The following PTPRT variants were observed in gnomAD, a reference collection of about 807,000 sequenced individuals.
The protein encoded by PTPRT is protein tyrosine phosphatase receptor type T, also known as receptor-type tyrosine-protein phosphatase T.
Under a neutral mutation model 176.8 loss-of-function variants are expected in PTPRT, and 56 were observed. That is an observed-to-expected ratio of 0.32 (90% CI 0.26 to 0.40). The LOEUF (loss-of-function observed/expected upper bound fraction) is 0.40, where lower values mean the gene tolerates loss of function less well. Among genes scored for constraint, PTPRT ranks in the 10% least tolerant of loss-of-function variants. PTPRT has a pLI of 1.00. For missense variants in PTPRT, 1,540 were observed against 1,908.2 expected, an observed-to-expected ratio of 0.81 and a Z score of 3.60; for synonymous variants, 783 against 739.0, an observed-to-expected ratio of 1.06 and a Z score of -0.96.
chr20:42,084,806 T>A lies in PTPRT; in HGVS notation c.4012A>T (p.Ile1338Phe). ...GYRIVQHLQY[I>F]GWPAYRDTPP... ...GTGTCCCGGTAGGCAGGCCAGCCAA[T>A]GTACTGGAGGTGCTGGACTATACGA... The change falls in exon 29 of 31, where the codon ATT (isoleucine) becomes TTT (phenylalanine). Residue 1338 changes from isoleucine (I) to phenylalanine (F), a missense_variant. Transcript: ENST00000373187. 6.5e-7 allele frequency: 1 copy of A among 1,544,288 alleles called. No homozygotes were observed. Among genetic ancestry groups the A allele is most frequent in the Non-Finnish European group, 8.8e-7 (1 of 1,140,270 alleles).
chr20:42,438,864 GT>G (rs550740916), intron 9 of PTPRT, among the ~76,000 whole-genome samples: 225 of 152,218 alleles, frequency 1.5e-3, no homozygotes, highest in African/African-American at 4.9e-3. Context: ...TACCTGTGTC[GT>G]AATAGAAAAG....
intron 16 of PTPRT, among the ~76,000 whole-genome samples, chr20:42,173,813 C>T (rs1412277148): frequency 1.3e-5 from 2 of 152,114 alleles, no homozygotes; most frequent in East Asian, 3.9e-4. Context: ...GAAATATAAG[C>T]CCTTTTTGGT....
chr20:42,567,887 C>T (rs757731330), intron 7 of PTPRT, among the ~76,000 whole-genome samples: 1 of 151,978 alleles, frequency 6.6e-6, no homozygotes, highest in Non-Finnish European at 1.5e-5. Flanking sequence ...ATTGATGAGG[C>T]AAAATGGCTT....
intron 7 of PTPRT, among the ~76,000 whole-genome samples, chr20:42,634,066 TA>T (rs1307179358): frequency 5.0e-5 from 2 of 39,804 alleles, no homozygotes; most frequent in African/African-American, 4.1e-4. Flanking sequence ...AAATATATAA[TA>T]TATATATAAT....
At chr20:42,922,180 C>T (rs1600559402) in intron 1 of PTPRT, among the ~76,000 whole-genome samples, 1 of 152,160 alleles carries the variant, frequency 6.6e-6, no homozygotes, top group East Asian at 1.9e-4. Flanking sequence ...GTGATCCACC[C>T]ACCTTGGCCT....
At chr20:42,873,688 CTA>C (rs1491059208) in intron 2 of PTPRT, among the ~76,000 whole-genome samples, 1 of 147,360 alleles carries the variant, frequency 6.8e-6, no homozygotes, top group Non-Finnish European at 1.5e-5. Flanking sequence ...TTTTTTCATA[CTA>C]AGTTTTTGAA....
intron 2 of PTPRT, among the ~76,000 whole-genome samples, chr20:42,856,957 A>T (rs943132877): frequency 6.6e-6 from 1 of 152,210 alleles, no homozygotes; most frequent in Non-Finnish European, 1.5e-5. Flanking sequence ...CTAGCCAGAA[A>T]ACCTACCATG....
intron 13 of PTPRT, among the ~76,000 whole-genome samples, chr20:42,277,744 T>G (rs985110824): frequency 6.6e-6 from 1 of 152,044 alleles, no homozygotes; most frequent in African/African-American, 2.4e-5. Context: ...GCCTTCTTGT[T>G]AGTGGGGACT....
At position 42,905,408 on chromosome 20, in the gene PTPRT, C is replaced by T. The variant is rs577530729; in HGVS notation, c.89-19476G>A. ...GTTAGAATGGCCATCATTAAAAAGT[C>T]GGGAAACAACAGATGCCGGAGAGGA... On this transcript the variant is annotated intron_variant, in intron 1 of 30. Coordinates refer to ENST00000373187, the MANE Select transcript of PTPRT (RefSeq NM_007050.6). 3.9e-5 allele frequency among the ~76,000 whole-genome samples: 6 copies of T among 152,264 alleles called. No individual in the cohort carries two copies. The South Asian group carries it at 8.3e-4, about 21-fold the overall frequency.
intron 2 of PTPRT, among the ~76,000 whole-genome samples, chr20:42,833,554 C>T (rs896600552): frequency 4.0e-5 from 6 of 151,596 alleles, no homozygotes; most frequent in African/African-American, 1.5e-4. Context: ...CTGCACTCCA[C>T]ACTAGATGAC....
downstream of PTPRT, among the ~76,000 whole-genome samples, chr20:42,068,805 T>C (rs1367862998): frequency 1.3e-5 from 2 of 152,210 alleles, no homozygotes; most frequent in African/African-American, 4.8e-5. Context: ...ACTACATATT[T>C]GTAGGGATTT....
chr20:42,512,213 CACT>C (rs2071971597), intron 7 of PTPRT, among the ~76,000 whole-genome samples: 1 of 152,078 alleles, frequency 6.6e-6, no homozygotes, highest in South Asian at 2.1e-4. Flanking sequence ...TAACCACCAC[CACT>C]ATCAGGATAC....
Position 42,115,195 on chromosome 20 carries a change from T to G in PTPRT, c.3099+4A>C, listed in dbSNP as rs2146310989. On this transcript the variant is annotated splice_donor_region_variant and intron_variant, in intron 22 of 30. Transcript: ENST00000373187. ...CGGCTGCCCACAGCCTCCAAGAAGC[T>G]TACCTTCTGGACTGTGAAGGTGCGT... 6.2e-7 allele frequency: 1 copy of G among 1,608,036 alleles called. No homozygotes were observed. Among genetic ancestry groups the G allele is most frequent in the Non-Finnish European group, 8.5e-7 (1 of 1,174,510 alleles).
At chr20:42,535,666 G>A (rs2072463839) in intron 7 of PTPRT, among the ~76,000 whole-genome samples, 1 of 152,138 alleles carries the variant, frequency 6.6e-6, no homozygotes, top group South Asian at 2.1e-4. Flanking sequence ...ATGGCCTCAG[G>A]GAGGCACCAG....
At chr20:42,671,233 T>G (rs2075407416) in intron 7 of PTPRT, among the ~76,000 whole-genome samples, 1 of 152,158 alleles carries the variant, frequency 6.6e-6, no homozygotes, top group Non-Finnish European at 1.5e-5. Flanking sequence ...TTAAACCTAA[T>G]GGACACTCTG....
At chr20:42,728,815 C>G (rs757078386) in intron 6 of PTPRT, among the ~76,000 whole-genome samples, 1 of 152,172 alleles carries the variant, frequency 6.6e-6, no homozygotes, top group South Asian at 2.1e-4. Flanking sequence ...GGCCAGGCCA[C>G]GAGCACCTTT....
At chr20:42,639,941 T>C (rs2074700988) in intron 7 of PTPRT, among the ~76,000 whole-genome samples, 1 of 151,778 alleles carries the variant, frequency 6.6e-6, no homozygotes, top group African/African-American at 2.4e-5. Flanking sequence ...AAAATCCCTC[T>C]CCCCCCAACC....
chr20:43,035,569 T>G (rs895719497), intron 1 of PTPRT, among the ~76,000 whole-genome samples: 3 of 152,226 alleles, frequency 2.0e-5, no homozygotes, highest in Non-Finnish European at 2.9e-5. Flanking sequence ...GATTCATCCT[T>G]GTTTTTGCCT....
chr20:42,362,112 A>T (rs949868165), intron 9 of PTPRT, among the ~76,000 whole-genome samples: 24 of 152,130 alleles, frequency 1.6e-4, no homozygotes, highest in East Asian at 1.9e-4. Flanking sequence ...AATTTTTTTT[A>T]AAAAATAGCC....
Sources: gnomAD v4.1 joint callset for allele counts (sites outside exome capture counted in the v4.1 genomes callset) on GRCh38, gnomAD v4.1.1 for gene constraint, MANE v1.5 for transcripts, NCBI Gene and HGNC (gene_info 2026-07-23, HGNC 2026-07-21) for gene names.